ARL9: variants seen among roughly 807,000 people sequenced by gnomAD.
The protein encoded by ARL9 is ADP-ribosylation factor-like protein 9.
In ARL9, 14 loss-of-function variants were observed where a neutral mutation model predicts 27.0. That is an observed-to-expected ratio of 0.52 (90% CI 0.34 to 0.81). The LOEUF (loss-of-function observed/expected upper bound fraction) is 0.81. Among genes scored for constraint, ARL9 ranks in the 30% least tolerant of loss-of-function variants. The pLI, the probability that ARL9 is intolerant of heterozygous loss-of-function variation, is 0.01. For synonymous variants in ARL9, 106 were observed against 108.7 expected (o/e 0.98, Z 0.15); for missense variants, 294 against 290.0 (o/e 1.01, Z -0.10).
intron 3 of ARL9, among the ~76,000 whole-genome samples, chr4:56,522,286 T>C (rs1262710447): frequency 6.6e-6 from 1 of 151,876 alleles, no homozygotes; most frequent in Non-Finnish European, 1.5e-5. Flanking sequence ...CTGGGTGTGG[T>C]GGCGCACACC....
intron 2 of ARL9, among the ~76,000 whole-genome samples, chr4:56,513,820 C>A (rs1334608508): frequency 6.6e-6 from 1 of 152,162 alleles, no homozygotes; most frequent in African/African-American, 2.4e-5. Flanking sequence ...GTAGCTCCCC[C>A]AGTTTCTAAT....
At chr4:56,511,402 C>A in intron 2 of ARL9, 55 bp downstream of exon 2, 3 of 1,530,948 alleles carry the variant, frequency 2.0e-6, no homozygotes, top group Non-Finnish European at 2.7e-6. Context: ...TCTCTTAAGC[C>A]AGATATGATG....
chr4:56,520,524 C>T (rs937567814), intron 3 of ARL9, among the ~76,000 whole-genome samples: 5 of 150,808 alleles, frequency 3.3e-5, no homozygotes, highest in African/African-American at 4.9e-5. Context: ...GTGTAGTTAT[C>T]GTTTAATGGA....
chr4:56,517,903 G>A (rs1721808654), intron 2 of ARL9, among the ~76,000 whole-genome samples: 1 of 152,106 alleles, frequency 6.6e-6, no homozygotes, highest in Non-Finnish European at 1.5e-5. Flanking sequence ...AGTGAGACTA[G>A]CCAATGAATT....
At chr4:56,517,463 T>C (rs561643234) in intron 2 of ARL9, among the ~76,000 whole-genome samples, 1 of 152,348 alleles carries the variant, frequency 6.6e-6, no homozygotes, top group South Asian at 2.1e-4. Flanking sequence ...AAAGCAGTCA[T>C]AGACAATATG....
rs930674092 is a variant in ARL9 at position 56,524,351 on chromosome 4, A to G, written c.*475A>G. On this transcript the variant is annotated 3_prime_UTR_variant, in exon 4 of 4. Coordinates refer to ENST00000640821, the MANE Select transcript of ARL9 (RefSeq NM_001363794.2). ...TGTACAAAGATAATGCTAACATAAT[A>G]ACAGCATCTCTATTTGGATTTTGAA... The G allele has an allele frequency of 3.9e-5, 6 of 153,216 alleles. No homozygotes were observed. The highest frequency in any genetic ancestry group is 1.4e-4 in the African/African-American group (6 of 41,490). 9.5% of individuals were successfully genotyped at this position (153,216 alleles called of 1,614,324 possible).
chr4:56,509,439 A>T (rs954129095), intron 1 of ARL9, among the ~76,000 whole-genome samples: 7 of 151,832 alleles, frequency 4.6e-5, no homozygotes, highest in Admixed American at 3.3e-4. Flanking sequence ...GCCTCAAGCG[A>T]TCCACCAGCG....
At chr4:56,521,227 A>G (rs1003019808) in intron 3 of ARL9, among the ~76,000 whole-genome samples, 1 of 152,026 alleles carries the variant, frequency 6.6e-6, no homozygotes, top group Non-Finnish European at 1.5e-5. Context: ...CAAAAAAAAA[A>G]AAAAAAGAGA....
In ARL9 at chr4:56,523,921, G is replaced by A; in HGVS notation, c.*45G>A. The A allele has an allele frequency of 6.5e-7, 1 of 1,532,844 alleles. No homozygotes were observed. The highest frequency in any genetic ancestry group is 1.4e-5 in the African/African-American group (1 of 72,276). 95.0% of individuals were successfully genotyped at this position (1,532,844 alleles called of 1,614,324 possible). Reference sequence around the variant, plus strand: ...GCGGCTCACGACTGAGATGTCATCAGTGTTGAATGGCAGGCTTGAAGCCAA... The same window carrying A: ...GCGGCTCACGACTGAGATGTCATCAATGTTGAATGGCAGGCTTGAAGCCAA... On this transcript the variant is annotated 3_prime_UTR_variant, in exon 4 of 4. Coordinates refer to ENST00000640821, the MANE Select transcript of ARL9 (RefSeq NM_001363794.2).
intron 3 of ARL9, among the ~76,000 whole-genome samples, chr4:56,521,302 A>G (rs1422832568): frequency 6.6e-6 from 1 of 152,188 alleles, no homozygotes; most frequent in Non-Finnish European, 1.5e-5. Context: ...AAGATTTAGA[A>G]GATCATGGTA....
At chr4:56,505,479 G>T (rs909781038), upstream of ARL9, 3 of 469,944 alleles carry the variant, frequency 6.4e-6, no homozygotes, top group Non-Finnish European at 1.3e-5. Context: ...GGCCCACGTG[G>T]AAGGCTCTTA....
chr4:56,507,774 G>C (rs1474743599), intron 1 of ARL9, among the ~76,000 whole-genome samples: 6 of 151,264 alleles, frequency 4.0e-5, no homozygotes, highest in Admixed American at 2.0e-4. Flanking sequence ...AGGAGTTCCA[G>C]AACAGCCTAG....
intron 2 of ARL9, among the ~76,000 whole-genome samples, chr4:56,516,980 T>C (rs1482726675): frequency 6.6e-6 from 1 of 152,222 alleles, no homozygotes; most frequent in Non-Finnish European, 1.5e-5. Context: ...AGAGGAAACT[T>C]ACTGGCTATT....
In ARL9 at chr4:56,510,102, G is replaced by A. The variant is rs184583400; in HGVS notation, c.280-1083G>A. ...AGGCTGGGTGCGGTGGCTCATGCCT[G>A]TAATCCCAGCATTTTGGGAGGCCAA... On this transcript the variant is annotated intron_variant, in intron 1 of 3. Transcript: ENST00000640821. 4.8e-3 allele frequency among the ~76,000 whole-genome samples: 727 copies of A among 152,056 alleles called. 4 individuals are homozygous for A. The highest frequency in any genetic ancestry group is 8.3e-3 in the Admixed American group (126 of 15,268).
intron 2 of ARL9, among the ~76,000 whole-genome samples, chr4:56,516,629 T>C (rs1344777602): frequency 6.8e-6 from 1 of 147,148 alleles, no homozygotes; most frequent in Non-Finnish European, 1.5e-5. Flanking sequence ...TCTGATAATA[T>C]CAAGTTTTGA....
At chr4:56,506,630 C>G (rs1721470260) in intron 1 of ARL9, 13 of 985,278 alleles carry the variant, frequency 1.3e-5, no homozygotes, top group Non-Finnish European at 1.4e-5. Flanking sequence ...CCACCAGTAC[C>G]ATGAATGGAT....
At chr4:56,512,401 C>T (rs370586219) in intron 2 of ARL9, among the ~76,000 whole-genome samples, 36 of 152,088 alleles carry the variant, frequency 2.4e-4, no homozygotes, top group African/African-American at 8.2e-4. Flanking sequence ...TTATTGTACT[C>T]CTTTCCTTCT....
In ARL9 at chr4:56,511,073, C is replaced by T. The variant is rs934852168; in HGVS notation, c.280-112C>T. ...CAGGCGTGAGCCACCGCACCTGGCC[C>T]GTGGAGTTTTATTCTGGTTACAGTT... On this transcript the variant is annotated intron_variant, in intron 1 of 3. Coordinates refer to ENST00000640821, the MANE Select transcript of ARL9 (RefSeq NM_001363794.2). 60 of 1,084,096 alleles carry T rather than the reference C, an allele frequency of 5.5e-5. No individual in the cohort carries two copies. In the East Asian group the frequency reaches 9.5e-4, roughly 17 times the overall value. 67.2% of individuals were successfully genotyped at this position (1,084,096 alleles called of 1,614,324 possible). A position where few individuals can be genotyped will look rare whatever the true frequency, so the allele number is the denominator to read the frequency against.
chr4:56,519,491 T>C (rs912096322), intron 3 of ARL9, among the ~76,000 whole-genome samples: 5 of 152,094 alleles, frequency 3.3e-5, no homozygotes, highest in African/African-American at 1.2e-4. Flanking sequence ...TCACCTGTAG[T>C]CCCAGCTACT....
Sources: gnomAD v4.1 joint callset for allele counts (sites outside exome capture counted in the v4.1 genomes callset) on GRCh38, gnomAD v4.1.1 for gene constraint, MANE v1.5 for transcripts, NCBI Gene and HGNC (gene_info 2026-07-23, HGNC 2026-07-21) for gene names.